CCNK: variants seen among roughly 807,000 people sequenced by gnomAD.
CCNK encodes cyclin K, also known as cyclin-K.
CCNK carries 9 observed loss-of-function variants against 65.0 expected under a neutral mutation model. The ratio of observed to expected loss-of-function variants is 0.14; its 90% CI spans 0.08 to 0.24. CCNK has a LOEUF of 0.24. Among genes scored for constraint, CCNK ranks in the 10% least tolerant of loss-of-function variants. The probability of loss-of-function intolerance (pLI) is 1.00; values close to 1 mark genes in which losing one functional copy is unlikely to be tolerated. For missense variants in CCNK, 474 were observed against 720.0 expected, an observed-to-expected ratio of 0.66 and a Z score of 3.91; for synonymous variants, 279 against 270.8, an observed-to-expected ratio of 1.03 and a Z score of -0.30.
At chr14:99,482,868 GTGTC>G (rs1896387668) in intron 1 of CCNK, among the ~76,000 whole-genome samples, 1 of 152,184 alleles carries the variant, frequency 6.6e-6, no homozygotes, top group Non-Finnish European at 1.5e-5. Flanking sequence ...ACTCTGCTGA[GTGTC>G]TGAAAGGGAG....
chr14:99,507,192 C>T, intron 10 of CCNK, 45 bp downstream of exon 10: 2 of 1,160,728 alleles, frequency 1.7e-6, no homozygotes. Flanking sequence ...CACATCGCCT[C>T]TGAATGTTGG....
intron 4 of CCNK, chr14:99,500,477 A>T: frequency 4.1e-6 from 1 of 243,422 alleles, no homozygotes; most frequent in Non-Finnish European, 7.8e-6. Context: ...TCTGTTTTGT[A>T]AAGGGAGACT....
Position 99,503,475 on chromosome 14 carries a change from C to T in CCNK, c.1012-136C>T, listed in dbSNP as rs1308347827. On this transcript the variant is annotated intron_variant, in intron 8 of 10. Coordinates refer to ENST00000389879, the MANE Select transcript of CCNK (RefSeq NM_001099402.2). ...GGTGCCGTGGTTTGCCCTGAAAGTT[C>T]AGGCTAGAAATAATTTTTGTCCGAG... is the stretch of plus-strand genomic sequence containing the variant. 49 of 691,612 alleles carry T rather than the reference C, an allele frequency of 7.1e-5. No individual in the cohort carries two copies. In the South Asian group the frequency reaches 9.0e-4, roughly 13 times the overall value. 42.8% of individuals were successfully genotyped at this position (691,612 alleles called of 1,614,324 possible).
chr14:99,500,813 T>C lies in CCNK; in HGVS notation c.459T>C (p.Phe153=). 1 of 1,568,622 alleles carries C rather than the reference T, an allele frequency of 6.4e-7. No individual in the cohort carries two copies. Among genetic ancestry groups the C allele is most frequent in the Admixed American group, 1.9e-5 (1 of 53,468 alleles). Residue 153 remains phenylalanine, a synonymous_variant, in exon 5 of 11, where the codon TTT becomes TTC. Coordinates refer to ENST00000389879, the MANE Select transcript of CCNK (RefSeq NM_001099402.2). ...GAATCTTACTGCAGACCATCAAGTT[T>C]GATTTACAGGTAGAACATCCATACC... ...LERILLQTIK[F]DLQVEHPYQF...
At chr14:99,490,221 A>C (rs1896570008) in intron 1 of CCNK, among the ~76,000 whole-genome samples, 1 of 152,154 alleles carries the variant, frequency 6.6e-6, no homozygotes, top group Admixed American at 6.5e-5. Flanking sequence ...GCATCTAAGG[A>C]ATAGAAGATA....
At chr14:99,503,273 G>A in intron 8 of CCNK, 1 of 627,564 alleles carries the variant, frequency 1.6e-6, no homozygotes, top group Non-Finnish European at 2.9e-6. Flanking sequence ...TGTCCTAGCA[G>A]TGTCGTTGTG....
At chr14:99,486,936 T>C (rs539757777) in intron 1 of CCNK, among the ~76,000 whole-genome samples, 1 of 152,334 alleles carries the variant, frequency 6.6e-6, no homozygotes, top group Non-Finnish European at 1.5e-5. Context: ...TCTTATTGTC[T>C]CTCCCACTAG....
intron 4 of CCNK, among the ~76,000 whole-genome samples, chr14:99,498,699 A>G (rs756751462): frequency 1.3e-5 from 2 of 152,172 alleles, no homozygotes; most frequent in African/African-American, 2.4e-5. Flanking sequence ...AAATGAGTAT[A>G]TAACTATTTG....
At chr14:99,506,156 A>T (rs1301851971) in intron 9 of CCNK, 1 of 152,212 alleles carries the variant, frequency 6.6e-6, no homozygotes. Flanking sequence ...TCTGAGGAAG[A>T]GGGTGAAGAG....
intron 1 of CCNK, among the ~76,000 whole-genome samples, chr14:99,482,524 A>C (rs1472788156): frequency 6.6e-6 from 1 of 152,218 alleles, no homozygotes; most frequent in Non-Finnish European, 1.5e-5. Context: ...AATAATCTTG[A>C]CTATGAATAT....
chr14:99,481,641 C>T (rs1896326274), intron 1 of CCNK, 162 bp downstream of exon 1: 2 of 387,234 alleles, frequency 5.2e-6, no homozygotes, highest in Non-Finnish European at 9.1e-6. Context: ...GCGGGCGACG[C>T]GGGGTTGTGG....
intron 9 of CCNK, 35 bp downstream of exon 9, chr14:99,503,679 G>C: frequency 6.6e-7 from 1 of 1,515,398 alleles, no homozygotes; most frequent in Non-Finnish European, 8.9e-7. Flanking sequence ...TTAGTTTTAT[G>C]TGTTTATATG....
rs1023229603 is a variant in CCNK, at chr14:99,503,041, C to G, written c.1011+57C>G. 5.1e-6 allele frequency: 8 copies of G among 1,568,908 alleles called. No homozygotes were observed. The Admixed American group carries it at 6.7e-5, about 13-fold the overall frequency. Reference sequence around the variant, plus strand: ...CAGGCTTTCCAGGTGGCGGCAACACCTGAGCACTGTTCCCATTTCTAAGCG... The same window carrying G: ...CAGGCTTTCCAGGTGGCGGCAACACGTGAGCACTGTTCCCATTTCTAAGCG... On this transcript the variant is annotated intron_variant, in intron 8 of 10. Transcript: ENST00000389879.
Position 99,500,883 on chromosome 14 carries a change from G to A in CCNK, c.517+12G>A, listed in dbSNP as rs1272350445. On this transcript the variant is annotated intron_variant, in intron 5 of 10. Coordinates refer to ENST00000389879, the MANE Select transcript of CCNK (RefSeq NM_001099402.2). ...AAAGCAACTCAAAGGTAAGAAGAAA[G>A]TTTTCAGAAGAATTTTTTCATTCTG... 2 of 1,421,298 alleles carry A rather than the reference G, an allele frequency of 1.4e-6. No homozygotes were observed. Among genetic ancestry groups the A allele is most frequent in the South Asian group, 2.6e-5 (2 of 76,956 alleles). 88.0% of individuals were successfully genotyped at this position (1,421,298 alleles called of 1,614,324 possible). A position where few individuals can be genotyped will look rare whatever the true frequency, so the allele number is the denominator to read the frequency against.
chr14:99,485,014 C>T (rs1035144766), intron 1 of CCNK, among the ~76,000 whole-genome samples: 1 of 152,184 alleles, frequency 6.6e-6, no homozygotes, highest in Non-Finnish European at 1.5e-5. Flanking sequence ...AATGAGAAAA[C>T]TTACAACTTT....
chr14:99,510,629 C>T lies in CCNK; in HGVS notation c.1590C>T (p.Val530=), dbSNP rs1481297400. ...PPPRLPPTHA[V]PPHPPPGLGL... ...CACGCCTCCCGCCTACCCACGCAGTCCCCCCTCATCCTCCTCCAGGGTTGG... is the reference window on the plus strand; with the variant it reads ...CACGCCTCCCGCCTACCCACGCAGTTCCCCCTCATCCTCCTCCAGGGTTGG... The change falls in exon 11 of 11, where the codon GTC becomes GTT. Residue 530 remains valine, a synonymous_variant. Transcript: ENST00000389879. 3 of 1,385,072 alleles carry T rather than the reference C, an allele frequency of 2.2e-6. No homozygotes were observed. Among genetic ancestry groups the T allele is most frequent in the East Asian group, 2.7e-5 (1 of 37,306 alleles). 85.8% of individuals were successfully genotyped at this position (1,385,072 alleles called of 1,614,324 possible).
Position 99,510,255 on chromosome 14 carries a change from C to A in CCNK, c.1216C>A (p.His406Asn). The change falls in exon 11 of 11, where the codon CAC (histidine) becomes AAC (asparagine). Residue 406 changes from histidine to asparagine, a missense_variant. Around this residue, in one of 6 missense-constraint regions of CCNK, gnomAD observed 229 missense variants for 275.5 expected, o/e 0.83. Coordinates refer to ENST00000389879, the MANE Select transcript of CCNK (RefSeq NM_001099402.2). ...CAAAGTCCAGATTCCCCCTCCGGCC[C>A]ACCCGGCCCCTGTGCACCAGCCACC... ...LPKVQIPPPA[H>N]PAPVHQPPPL... is the part of the protein sequence containing the mutation. 2 of 1,563,372 alleles carry A rather than the reference C, an allele frequency of 1.3e-6. No individual in the cohort carries two copies. The highest frequency in any genetic ancestry group is 1.7e-6 in the Non-Finnish European group (2 of 1,158,798).
intron 8 of CCNK, 155 bp from the exon 9 acceptor site, chr14:99,503,456 G>A (rs779000691): frequency 1.6e-5 from 10 of 633,260 alleles, no homozygotes; most frequent in Admixed American, 2.8e-5. Context: ...GGTAGGTGCC[G>A]TGGTTTGCCC....
chr14:99,501,045 A>G (rs1288687660), intron 5 of CCNK, 174 bp downstream of exon 5: 1 of 610,618 alleles, frequency 1.6e-6, no homozygotes, highest in African/African-American at 1.9e-5. Flanking sequence ...GTTTCCTTTT[A>G]TGTATAAACA....
Sources: gnomAD v4.1 joint callset for allele counts (sites outside exome capture counted in the v4.1 genomes callset) on GRCh38, gnomAD v4.1.1 for gene constraint, gnomAD v4.1.1 regional missense constraint, MANE v1.5 for transcripts, NCBI Gene and HGNC (gene_info 2026-07-23, HGNC 2026-07-21) for gene names.